CNTNAP4: variants seen among roughly 807,000 people sequenced by gnomAD.
The protein encoded by CNTNAP4 is contactin-associated protein-like 4.
A neutral mutation model predicts 148.4 loss-of-function variants in CNTNAP4; 98 were observed. That is an observed-to-expected ratio of 0.66 (90% CI 0.56 to 0.78). The LOEUF is 0.78. Ranked by LOEUF, CNTNAP4 falls within the 30% of genes least tolerant of loss-of-function variation. The pLI, the probability that CNTNAP4 is intolerant of heterozygous loss-of-function variation, is 0.00. For synonymous variants in CNTNAP4, 730 were observed against 565.1 expected (o/e 1.29, Z -4.14); for missense variants, 1,935 against 1,565.6 (o/e 1.24, Z -3.98).
At chr16:76,296,737 T>C (rs1283966295) in intron 1 of CNTNAP4, among the ~76,000 whole-genome samples, 1 of 152,116 alleles carries the variant, frequency 6.6e-6, no homozygotes, top group Non-Finnish European at 1.5e-5. Context: ...TCAATTTGAA[T>C]CCAGTATTTT....
chr16:76,393,768 T>C (rs1045077750), intron 3 of CNTNAP4, among the ~76,000 whole-genome samples: 17 of 152,108 alleles, frequency 1.1e-4, no homozygotes, highest in Non-Finnish European at 2.4e-4. Flanking sequence ...AGAAGAGACT[T>C]CAGCCTGCGG....
chr16:76,481,450 C>T (rs1017755536), intron 12 of CNTNAP4, among the ~76,000 whole-genome samples: 4 of 152,226 alleles, frequency 2.6e-5, no homozygotes, highest in Non-Finnish European at 4.4e-5. Context: ...GAAGCCAGGG[C>T]GGGGGCATAA....
At chr16:76,373,870 G>A (rs1311916306) in intron 3 of CNTNAP4, among the ~76,000 whole-genome samples, 1 of 147,760 alleles carries the variant, frequency 6.8e-6, no homozygotes, top group Non-Finnish European at 1.5e-5. Context: ...ACTCCAGCCT[G>A]GGTGACAAGA....
At chr16:76,368,412 C>G (rs1231993541) in intron 3 of CNTNAP4, among the ~76,000 whole-genome samples, 1 of 152,130 alleles carries the variant, frequency 6.6e-6, no homozygotes, top group African/African-American at 2.4e-5. Context: ...ATAGCAAAGA[C>G]TTGGAACCAA....
chr16:76,335,206 T>C (rs1217999741), intron 2 of CNTNAP4, among the ~76,000 whole-genome samples: 1 of 152,144 alleles, frequency 6.6e-6, no homozygotes, highest in Non-Finnish European at 1.5e-5. Flanking sequence ...GGTGAGCACA[T>C]ACATTTCTGC....
intron 8 of CNTNAP4, among the ~76,000 whole-genome samples, chr16:76,457,318 A>T (rs2080773031): frequency 6.6e-6 from 1 of 152,230 alleles, no homozygotes; most frequent in East Asian, 1.9e-4. Flanking sequence ...AATAAATTCC[A>T]ATTGACAGGT....
At chr16:76,428,166 C>T (rs1228406351) in intron 4 of CNTNAP4, among the ~76,000 whole-genome samples, 1 of 152,176 alleles carries the variant, frequency 6.6e-6, no homozygotes, top group African/African-American at 2.4e-5. Flanking sequence ...ACAGATTTCA[C>T]TTAGTCTCCT....
intron 3 of CNTNAP4, among the ~76,000 whole-genome samples, chr16:76,357,999 C>G (rs919916510): frequency 2.6e-5 from 4 of 152,212 alleles, no homozygotes; most frequent in Non-Finnish European, 5.9e-5. Context: ...CTGTGCCTAT[C>G]TTTGTCCAAA....
At chr16:76,490,781 C>T (rs79281979) in intron 13 of CNTNAP4, among the ~76,000 whole-genome samples, 5,655 of 152,184 alleles carry the variant, frequency 0.037, 159 homozygotes, top group Admixed American at 0.07. Context: ...TCCACCCTGC[C>T]TATACAACCC....
intron 3 of CNTNAP4, among the ~76,000 whole-genome samples, chr16:76,382,060 CAAAAAAAAAAA>C (rs67028367): frequency 3.6e-4 from 19 of 53,330 alleles, no homozygotes; most frequent in Admixed American, 1.2e-3. Context: ...GACTCCGTCT[CAAAAAAAAAAA>C]AAAAAAAAAA....
In CNTNAP4 at chr16:76,322,371, G is replaced by A. The variant is rs74026705; in HGVS notation, c.196+5848G>A. Among the ~76,000 whole-genome samples the A allele has an allele frequency of 3.8e-3, 580 of 152,200 alleles. 3 individuals carry two copies. Among genetic ancestry groups the A allele is most frequent in the African/African-American group, 0.013 (548 of 41,532 alleles). ...CATCCCTAACAGTCACAGAACTTGAGCCTCCCAGACACACTTGAACTTCAG... is the reference window on the plus strand; with the variant it reads ...CATCCCTAACAGTCACAGAACTTGAACCTCCCAGACACACTTGAACTTCAG... On this transcript the variant is annotated intron_variant, in intron 2 of 23. Transcript: ENST00000611870.
chr16:76,494,271 G>A (rs904087520), intron 13 of CNTNAP4, among the ~76,000 whole-genome samples: 2 of 152,090 alleles, frequency 1.3e-5, no homozygotes, highest in African/African-American at 4.8e-5. Flanking sequence ...AACTTCCATT[G>A]AGTGTAATAT....
intron 17 of CNTNAP4, among the ~76,000 whole-genome samples, chr16:76,525,706 AAACT>A (rs1313043592): frequency 7.0e-6 from 1 of 142,034 alleles, no homozygotes; most frequent in African/African-American, 2.5e-5. Context: ...TAATATATAT[AAACT>A]ATTATATACA....
At chr16:76,315,321 ACTC>A (rs1381424492) in intron 1 of CNTNAP4, among the ~76,000 whole-genome samples, 2 of 152,090 alleles carry the variant, frequency 1.3e-5, no homozygotes, top group African/African-American at 4.8e-5. Context: ...AAAAGACAAA[ACTC>A]CTTGAGGCTG....
chr16:76,326,838 T>C (rs1172805706), intron 2 of CNTNAP4, among the ~76,000 whole-genome samples: 1 of 151,924 alleles, frequency 6.6e-6, no homozygotes, highest in Non-Finnish European at 1.5e-5. Flanking sequence ...TTAGGAGATA[T>C]ACCTAATGCT....
intron 15 of CNTNAP4, among the ~76,000 whole-genome samples, chr16:76,507,004 G>T (rs1445433028): frequency 1.0e-5 from 1 of 97,392 alleles, no homozygotes; most frequent in African/African-American, 2.6e-5. Flanking sequence ...ATGGACTGGA[G>T]ATAGTATTTT....
At chr16:76,320,620 A>C (rs750670253) in intron 2 of CNTNAP4, among the ~76,000 whole-genome samples, 66 of 152,282 alleles carry the variant, frequency 4.3e-4, no homozygotes, top group Non-Finnish European at 8.2e-4. Context: ...GTATAGCTTA[A>C]ATTTTAATGG....
intron 8 of CNTNAP4, among the ~76,000 whole-genome samples, chr16:76,457,756 G>C (rs1277190740): frequency 6.6e-6 from 1 of 152,054 alleles, no homozygotes; most frequent in Non-Finnish European, 1.5e-5. Flanking sequence ...CACATGGTTA[G>C]TGGGCTTGTA....
chr16:76,336,523 G>A (rs548079473), intron 2 of CNTNAP4, among the ~76,000 whole-genome samples: 39 of 152,258 alleles, frequency 2.6e-4, no homozygotes, highest in African/African-American at 7.0e-4. Flanking sequence ...ATATAATGAT[G>A]TTGGATAAAA....
Sources: gnomAD v4.1 joint callset for allele counts (sites outside exome capture counted in the v4.1 genomes callset) on GRCh38, gnomAD v4.1.1 for gene constraint, MANE v1.5 for transcripts, NCBI Gene and HGNC (gene_info 2026-07-23, HGNC 2026-07-21) for gene names.